ARHGAP18: variants seen among roughly 807,000 people sequenced by gnomAD.
ARHGAP18 encodes rho GTPase-activating protein 18.
In ARHGAP18, 67 loss-of-function variants were observed where a neutral mutation model predicts 86.2. The ratio of observed to expected loss-of-function variants is 0.78; its 90% CI spans 0.64 to 0.95. The LOEUF (loss-of-function observed/expected upper bound fraction) is 0.95, where lower values mean the gene tolerates loss of function less well. Ranked by LOEUF, ARHGAP18 falls within the 40% of genes least tolerant of loss-of-function variation. The pLI is 0.00. For missense variants in ARHGAP18, 691 were observed against 780.4 expected (o/e 0.89, Z 1.37); for synonymous variants, 283 against 280.4 (o/e 1.01, Z -0.09).
chr6:129,587,482 C>T (rs181826981), intron 12 of ARHGAP18, among the ~76,000 whole-genome samples: 405 of 152,188 alleles, frequency 2.7e-3, no homozygotes, highest in Non-Finnish European at 4.7e-3. Context: ...TGAAGAAATA[C>T]CCAAGACTAG....
rs1773478878 is a variant in ARHGAP18 at position 129,642,021 on chromosome 6, G to A, written c.114-3C>T. On this transcript the variant is annotated splice_polypyrimidine_tract_variant and splice_region_variant and intron_variant, in intron 1 of 14. Transcript: ENST00000368149. ...TAGTGTACTGGCCATATCTGCGACTGTAAATTCAAAAGAACCCATGGTTTA... is the reference window on the plus strand; with the variant it reads ...TAGTGTACTGGCCATATCTGCGACTATAAATTCAAAAGAACCCATGGTTTA... The A allele has an allele frequency of 1.2e-6, 2 of 1,612,596 alleles. No individual in the cohort carries two copies. Among genetic ancestry groups the A allele is most frequent in the Non-Finnish European group, 8.5e-7 (1 of 1,179,390 alleles).
In ARHGAP18 at chr6:129,656,462, G is replaced by A. The variant is rs534987369; in HGVS notation, c.114-14444C>T. On this transcript the variant is annotated intron_variant, in intron 1 of 14. Transcript: ENST00000368149. ...TCAAGACCAGCTAGGCCAATATGGT[G>A]AAACCCCGTCTCTACTAAAAATACA... Among the ~76,000 whole-genome samples the A allele has an allele frequency of 1.0e-3, 155 of 152,224 alleles. No homozygotes were observed. The Middle Eastern group carries it at 0.02, about 20-fold the overall frequency.
intron 10 of ARHGAP18, among the ~76,000 whole-genome samples, chr6:129,601,167 G>C (rs555485376): frequency 6.6e-6 from 1 of 152,184 alleles, no homozygotes. Flanking sequence ...GAAAAGTAAT[G>C]TAAAACATCA....
intron 12 of ARHGAP18, among the ~76,000 whole-genome samples, chr6:129,597,403 G>C (rs1396427104): frequency 6.6e-6 from 1 of 152,114 alleles, no homozygotes; most frequent in Non-Finnish European, 1.5e-5. Flanking sequence ...TCCACCATGG[G>C]CTGTGATGTC....
intron 10 of ARHGAP18, among the ~76,000 whole-genome samples, chr6:129,602,495 GA>G (rs5879955): frequency 6.6e-6 from 1 of 151,420 alleles, no homozygotes; most frequent in African/African-American, 2.4e-5. Flanking sequence ...AGAATTTCTG[GA>G]AAAAAAAATT....
At chr6:129,703,683 T>C (rs946661548) in intron 1 of ARHGAP18, among the ~76,000 whole-genome samples, 4 of 152,262 alleles carry the variant, frequency 2.6e-5, no homozygotes, top group Non-Finnish European at 5.9e-5. Flanking sequence ...ACTTCCCCAG[T>C]TGGACACCGG....
intron 12 of ARHGAP18, among the ~76,000 whole-genome samples, chr6:129,592,100 AT>A (rs67212346): frequency 0.073 from 11,027 of 151,580 alleles, 507 homozygotes; most frequent in East Asian, 0.28. Context: ...AAGTTCTAAT[AT>A]TTTTTTTTAA....
At chr6:129,667,988 G>A (rs1414122565) in intron 1 of ARHGAP18, among the ~76,000 whole-genome samples, 3 of 152,158 alleles carry the variant, frequency 2.0e-5, no homozygotes, top group Admixed American at 6.5e-5. Flanking sequence ...TGGAAGTGAG[G>A]AAAGAGGCTG....
chr6:129,647,226 T>C (rs1773599155), intron 1 of ARHGAP18, among the ~76,000 whole-genome samples: 1 of 152,174 alleles, frequency 6.6e-6, no homozygotes, highest in South Asian at 2.1e-4. Context: ...GGGCATCCCC[T>C]TTTGGCCAGT....
At chr6:129,611,850 A>C (rs927956692) in intron 7 of ARHGAP18, among the ~76,000 whole-genome samples, 4 of 152,260 alleles carry the variant, frequency 2.6e-5, no homozygotes, top group African/African-American at 9.6e-5. Context: ...GTAATTTCAC[A>C]CAACAGCTGT....
At chr6:129,654,876 C>T (rs1353762220) in intron 1 of ARHGAP18, among the ~76,000 whole-genome samples, 1 of 152,204 alleles carries the variant, frequency 6.6e-6, no homozygotes, top group Non-Finnish European at 1.5e-5. Flanking sequence ...AAATTCTGCA[C>T]CGGCCAAGGC....
intron 12 of ARHGAP18, among the ~76,000 whole-genome samples, chr6:129,589,822 T>C (rs1456165943): frequency 6.6e-6 from 1 of 152,168 alleles, no homozygotes; most frequent in Non-Finnish European, 1.5e-5. Flanking sequence ...ATCTGCAAGC[T>C]GAGGAGCAAG....
At chr6:129,635,871 T>C (rs1281774882) in intron 3 of ARHGAP18, among the ~76,000 whole-genome samples, 8 of 152,214 alleles carry the variant, frequency 5.3e-5, no homozygotes, top group Admixed American at 2.0e-4. Context: ...CATCAGATGA[T>C]ACAATCCACC....
chr6:129,640,023 C>T (rs12180811), intron 2 of ARHGAP18, among the ~76,000 whole-genome samples: 10,827 of 125,156 alleles, frequency 0.087, 540 homozygotes, highest in African/African-American at 0.16. Flanking sequence ...CCAGCCTGGG[C>T]GACAGAGTGA....
At chr6:129,628,414 T>C (rs372728742) in intron 5 of ARHGAP18, among the ~76,000 whole-genome samples, 1 of 152,192 alleles carries the variant, frequency 6.6e-6, no homozygotes, top group Non-Finnish European at 1.5e-5. Context: ...AAATGGATGG[T>C]GAAACCACTG....
intron 1 of ARHGAP18, among the ~76,000 whole-genome samples, chr6:129,706,877 C>A (rs1197724391): frequency 1.8e-5 from 2 of 112,378 alleles, no homozygotes; most frequent in African/African-American, 7.3e-5. Context: ...CAGAGTAAGA[C>A]TCTGTCTCAA....
chr6:129,632,820 G>T (rs1489893787), intron 4 of ARHGAP18, among the ~76,000 whole-genome samples: 2 of 152,162 alleles, frequency 1.3e-5, no homozygotes, highest in Non-Finnish European at 2.9e-5. Flanking sequence ...GGAAGGAAAA[G>T]ATCCCATATG....
intron 1 of ARHGAP18, among the ~76,000 whole-genome samples, chr6:129,698,881 C>T (rs372752115): frequency 2.6e-4 from 40 of 152,050 alleles, no homozygotes; most frequent in African/African-American, 8.0e-4. Flanking sequence ...TTAGTAGAGA[C>T]GGGGTTTCGC....
intron 12 of ARHGAP18, among the ~76,000 whole-genome samples, chr6:129,597,724 A>C (rs1788642846): frequency 6.7e-6 from 1 of 148,726 alleles, no homozygotes; most frequent in Non-Finnish European, 1.5e-5. Context: ...ATTTCACATA[A>C]GGAAAGAAAA....
Sources: gnomAD v4.1 joint callset for allele counts (sites outside exome capture counted in the v4.1 genomes callset) on GRCh38, gnomAD v4.1.1 for gene constraint, MANE v1.5 for transcripts, NCBI Gene and HGNC (gene_info 2026-07-23, HGNC 2026-07-21) for gene names.